The following KCNN2 variants were observed in gnomAD, a reference collection of about 807,000 sequenced individuals.
KCNN2 encodes potassium calcium-activated channel subfamily N member 2, also known as small conductance calcium-activated potassium channel protein 2.
A neutral mutation model predicts 55.5 loss-of-function variants in KCNN2; 24 were observed. That is an observed-to-expected ratio of 0.43 (90% CI 0.31 to 0.61). KCNN2 has a LOEUF of 0.61. Ranked by LOEUF, KCNN2 falls within the 20% of genes least tolerant of loss-of-function variation. The pLI, the probability that KCNN2 is intolerant of heterozygous loss-of-function variation, is 0.08. For missense variants in KCNN2, 754 were observed against 853.6 expected, an observed-to-expected ratio of 0.88 and a Z score of 1.45; for synonymous variants, 431 against 336.1, an observed-to-expected ratio of 1.28 and a Z score of -3.09.
intron 2 of KCNN2, among the ~76,000 whole-genome samples, chr5:114,396,240 A>G (rs1427103462): frequency 1.3e-5 from 2 of 152,070 alleles, no homozygotes; most frequent in Non-Finnish European, 2.9e-5. Flanking sequence ...TGTTGTTTAG[A>G]TGGTAGTCAG....
At chr5:114,177,392 C>T (rs149060109) in intron 1 of KCNN2, among the ~76,000 whole-genome samples, 4,581 of 152,138 alleles carry the variant, frequency 0.03, 242 homozygotes, top group African/African-American at 0.1. Flanking sequence ...CCGCCTTGGC[C>T]TCCCAAAGTG....
At position 114,227,613 on chromosome 5, in the gene KCNN2, T is replaced by C. The variant is rs147163784; in HGVS notation, c.-185+6048T>C. 7.8e-4 allele frequency among the ~76,000 whole-genome samples: 119 copies of C among 152,312 alleles called. 1 individual carries two copies. In the East Asian group the frequency reaches 0.011, roughly 15 times the overall value. On this transcript the variant is annotated intron_variant, in intron 2 of 10. Coordinates refer to the KCNN2 transcript ENST00000512097. Reference sequence around the variant, plus strand: ...GCCTTGCACTTGACAGAATTTTTAATTGAATTGAGTAATTACCATAAGTAC... The same window carrying C: ...GCCTTGCACTTGACAGAATTTTTAACTGAATTGAGTAATTACCATAAGTAC...
exon 1 of KCNN2, chr5:114,056,297 A>G (rs1750205270): frequency 7.6e-6 from 3 of 396,050 alleles, no homozygotes; most frequent in Non-Finnish European, 1.3e-5. Flanking sequence ...CAGGCACGGA[A>G]TTTGACGCCC....
intron 2 of KCNN2, among the ~76,000 whole-genome samples, chr5:114,238,617 C>T (rs1186565096): frequency 2.0e-5 from 3 of 146,548 alleles, no homozygotes; most frequent in Non-Finnish European, 3.0e-5. Flanking sequence ...CAGAGTGAGA[C>T]TCCGTCTCCA....
intron 1 of KCNN2, among the ~76,000 whole-genome samples, chr5:114,161,118 G>C (rs1308126270): frequency 2.0e-5 from 3 of 152,144 alleles, no homozygotes; most frequent in African/African-American, 7.2e-5. Context: ...TTCACAATTA[G>C]GCATGTTTTT....
chr5:114,465,486 C>A (rs1761401975), intron 4 of KCNN2, among the ~76,000 whole-genome samples: 1 of 152,182 alleles, frequency 6.6e-6, no homozygotes, highest in Non-Finnish European at 1.5e-5. Context: ...GTGGCACATG[C>A]CTATAATCCC....
chr5:114,486,928 C>A, intron 5 of KCNN2, 122 bp from the exon 6 acceptor site: 2 of 1,276,426 alleles, frequency 1.6e-6, no homozygotes. Flanking sequence ...TATTTGGAGT[C>A]ATGGTTACTA....
intron 1 of KCNN2, among the ~76,000 whole-genome samples, chr5:114,171,605 G>A (rs770809398): frequency 8.6e-5 from 13 of 151,340 alleles, no homozygotes; most frequent in Admixed American, 2.6e-4. Context: ...CTAGTCCCTC[G>A]TTAAGGACTT....
At position 114,122,621 on chromosome 5, in the gene KCNN2, A is replaced by G. The variant is rs1751848820; in HGVS notation, c.-271+66121A>G. On this transcript the variant is annotated intron_variant, in intron 1 of 10. Transcript: ENST00000512097. ...GGTAGGATACTTAGTGGTACTCAGG[A>G]AATAAGATGCTCTCTGTGCTGCCCA... is the stretch of plus-strand genomic sequence containing the variant. 3.3e-5 allele frequency among the ~76,000 whole-genome samples: 5 copies of G among 152,298 alleles called. No individual in the cohort carries two copies. The South Asian group carries it at 1.0e-3, about 32-fold the overall frequency.
intron 2 of KCNN2, among the ~76,000 whole-genome samples, chr5:114,389,776 T>C (rs1758403203): frequency 6.6e-6 from 1 of 152,158 alleles, no homozygotes; most frequent in African/African-American, 2.4e-5. Flanking sequence ...TTTAAATATT[T>C]GCTTCTGCTG....
At chr5:114,239,163 G>T (rs993852401) in intron 2 of KCNN2, among the ~76,000 whole-genome samples, 3 of 152,136 alleles carry the variant, frequency 2.0e-5, no homozygotes, top group Non-Finnish European at 2.9e-5. Flanking sequence ...ATGGAAAGAA[G>T]CCCATGCCTG....
At chr5:114,102,030 C>T (rs548802680) in intron 1 of KCNN2, among the ~76,000 whole-genome samples, 1 of 152,268 alleles carries the variant, frequency 6.6e-6, no homozygotes, top group East Asian at 1.9e-4. Context: ...AGTGGTTGAA[C>T]TAATTTACAC....
At chr5:114,419,866 C>A (rs987971600) in intron 3 of KCNN2, among the ~76,000 whole-genome samples, 2 of 152,184 alleles carry the variant, frequency 1.3e-5, no homozygotes, top group Non-Finnish European at 2.9e-5. Flanking sequence ...GATGTGGTGG[C>A]ATGTGCCTTC....
chr5:114,305,245 C>T (rs975729120), intron 2 of KCNN2, among the ~76,000 whole-genome samples: 15 of 152,176 alleles, frequency 9.9e-5, no homozygotes, highest in African/African-American at 3.6e-4. Context: ...TTAGTTGCAG[C>T]TTCCTGGATG....
chr5:114,457,363 C>T (rs1394899378), intron 3 of KCNN2, among the ~76,000 whole-genome samples: 1 of 152,162 alleles, frequency 6.6e-6, no homozygotes, highest in Non-Finnish European at 1.5e-5. Context: ...TGCTATAGCA[C>T]ACTTAATAGA....
At chr5:114,485,907 G>A (rs1561414625) in intron 5 of KCNN2, among the ~76,000 whole-genome samples, 2 of 152,164 alleles carry the variant, frequency 1.3e-5, no homozygotes, top group Non-Finnish European at 2.9e-5. Flanking sequence ...TGGGCCCATA[G>A]TTTAGTGTAA....
At chr5:114,145,419 A>C (rs948213402) in intron 1 of KCNN2, among the ~76,000 whole-genome samples, 5 of 152,212 alleles carry the variant, frequency 3.3e-5, no homozygotes, top group African/African-American at 1.2e-4. Flanking sequence ...GGATGTGTGA[A>C]TATAATCAGC....
At position 114,342,196 on chromosome 5, in the gene KCNN2, C is replaced by T. The variant is rs574149386; in HGVS notation, c.-184-18749C>T. Among the ~76,000 whole-genome samples, 315 of 135,066 alleles carry T rather than the reference C, an allele frequency of 2.3e-3. 4 individuals are homozygous for T. Among genetic ancestry groups the T allele is most frequent in the Admixed American group, 0.018 (233 of 12,978 alleles). 88.6% of individuals were successfully genotyped at this position (135,066 alleles called of 152,430 possible). Reference sequence around the variant, plus strand: ...GATTACAGGCGTGAACCACTGTGCCCGGCCCATAATTTTTTTTTTAAATTA... The same window carrying T: ...GATTACAGGCGTGAACCACTGTGCCTGGCCCATAATTTTTTTTTTAAATTA... On this transcript the variant is annotated intron_variant, in intron 2 of 10. Coordinates refer to the KCNN2 transcript ENST00000512097.
intron 2 of KCNN2, among the ~76,000 whole-genome samples, chr5:114,386,184 A>G (rs1475848177): frequency 1.3e-5 from 2 of 148,598 alleles, no homozygotes; most frequent in Non-Finnish European, 3.0e-5. Flanking sequence ...CTCTGTCTAA[A>G]AAAAAAAAAA....
Sources: gnomAD v4.1 joint callset for allele counts (sites outside exome capture counted in the v4.1 genomes callset) on GRCh38, gnomAD v4.1.1 for gene constraint, MANE v1.5 for transcripts, NCBI Gene and HGNC (gene_info 2026-07-23, HGNC 2026-07-21) for gene names.